AFG2A: variants seen among roughly 807,000 people sequenced by gnomAD.
AFG2A encodes AAA ATPase AFG2A, also known as ATPase family gene 2 protein homolog A.
the AFG2A span, among the ~76,000 whole-genome samples, chr4:123,018,415 G>T: frequency 6.6e-6 from 1 of 152,136 alleles, no homozygotes; most frequent in African/African-American, 2.4e-5. Context: ...TAAAAAGAAG[G>T]TTCTAGAATT....
the AFG2A span, among the ~76,000 whole-genome samples, chr4:123,184,403 CTT>C: frequency 6.6e-6 from 1 of 152,008 alleles, no homozygotes; most frequent in Non-Finnish European, 1.5e-5. Context: ...ACTCCTCATA[CTT>C]TTCTAAAGTG....
the AFG2A span, among the ~76,000 whole-genome samples, chr4:123,133,547 A>AT: frequency 1.3e-5 from 2 of 149,332 alleles, no homozygotes; most frequent in African/African-American, 5.1e-5. Flanking sequence ...ATTTATATAT[A>AT]TTTTTTGTTT....
At chr4:123,262,012 G>T in the AFG2A span, among the ~76,000 whole-genome samples, 1 of 152,090 alleles carries the variant, frequency 6.6e-6, no homozygotes, top group Admixed American at 6.6e-5. Flanking sequence ...CTGGCCTCAA[G>T]CAATCCTCCT....
the AFG2A span, among the ~76,000 whole-genome samples, chr4:123,046,264 G>A: frequency 1.3e-5 from 2 of 152,096 alleles, no homozygotes; most frequent in Non-Finnish European, 2.9e-5. Flanking sequence ...TTGGCTAGCA[G>A]GCCCTCTTTT....
At chr4:123,148,759 C>T in the AFG2A span, among the ~76,000 whole-genome samples, 3 of 150,690 alleles carry the variant, frequency 2.0e-5, no homozygotes, top group Admixed American at 2.0e-4. Flanking sequence ...ACAGAACACA[C>T]ACACACTCTA....
the AFG2A span, among the ~76,000 whole-genome samples, chr4:123,296,688 T>A: frequency 6.6e-6 from 1 of 152,244 alleles, no homozygotes; most frequent in Non-Finnish European, 1.5e-5. Flanking sequence ...TAAAGCTGGG[T>A]AGCAGGCGAG....
chr4:122,936,818 A>G, the AFG2A span, among the ~76,000 whole-genome samples: 1 of 152,126 alleles, frequency 6.6e-6, no homozygotes, highest in African/African-American at 2.4e-5. Flanking sequence ...CGTCTCTACT[A>G]AAAATACAAA....
At chr4:123,234,796 G>T in the AFG2A span, among the ~76,000 whole-genome samples, 2 of 152,010 alleles carry the variant, frequency 1.3e-5, no homozygotes, top group Non-Finnish European at 2.9e-5. Flanking sequence ...TCTCTAGAGC[G>T]AGACTGCCAA....
At chr4:123,313,497 C>G in the AFG2A span, among the ~76,000 whole-genome samples, 1 of 152,322 alleles carries the variant, frequency 6.6e-6, no homozygotes, top group South Asian at 2.1e-4. Context: ...TCTGCCCTCC[C>G]TTGACCGTTG....
chr4:123,316,699 G>C, the AFG2A span: 1 of 152,200 alleles, frequency 6.6e-6, no homozygotes, highest in Non-Finnish European at 1.5e-5. Flanking sequence ...GTGGTGGGGA[G>C]GAGGGTAGCA....
the AFG2A span, among the ~76,000 whole-genome samples, chr4:123,211,608 T>C: frequency 1.3e-5 from 2 of 152,190 alleles, no homozygotes; most frequent in African/African-American, 4.8e-5. Flanking sequence ...TTAAAACTTT[T>C]AGTTACATTG....
chr4:123,097,224 C>T, the AFG2A span, among the ~76,000 whole-genome samples: 7 of 151,998 alleles, frequency 4.6e-5, no homozygotes, highest in South Asian at 4.1e-4. Context: ...GCTAAATATA[C>T]GTATCTTTCG....
At chr4:123,028,595 T>C in the AFG2A span, among the ~76,000 whole-genome samples, 1 of 152,180 alleles carries the variant, frequency 6.6e-6, no homozygotes, top group African/African-American at 2.4e-5. Context: ...CAAATCATGG[T>C]AGACATTGGG....
chr4:123,185,483 A>G, the AFG2A span, among the ~76,000 whole-genome samples: 8,891 of 152,142 alleles, frequency 0.058, 857 homozygotes, highest in African/African-American at 0.2. Flanking sequence ...ACCACCTTAC[A>G]CTAAATAGGT....
At chr4:123,296,752 C>T in the AFG2A span, among the ~76,000 whole-genome samples, 20 of 152,094 alleles carry the variant, frequency 1.3e-4, no homozygotes, top group Non-Finnish European at 1.9e-4. Flanking sequence ...AATTTTCTAT[C>T]GTTAAAAAAT....
chr4:123,064,473 C>T, the AFG2A span, among the ~76,000 whole-genome samples: 1 of 152,202 alleles, frequency 6.6e-6, no homozygotes, highest in South Asian at 2.1e-4. Flanking sequence ...ATACAATTGG[C>T]AGTTGACTCT....
chr4:123,058,198 A>C, the AFG2A span, among the ~76,000 whole-genome samples: 1 of 152,192 alleles, frequency 6.6e-6, no homozygotes, highest in Non-Finnish European at 1.5e-5. Context: ...TATAAAGAAA[A>C]AGAGGTTTAA....
the AFG2A span, among the ~76,000 whole-genome samples, chr4:123,003,259 T>C: frequency 3.9e-5 from 6 of 152,246 alleles, no homozygotes; most frequent in Admixed American, 6.5e-5. Context: ...AATTTCCTCC[T>C]GTAGCTCGGA....
chr4:122,959,455 C>A, the AFG2A span, among the ~76,000 whole-genome samples: 1 of 152,168 alleles, frequency 6.6e-6, no homozygotes, highest in African/African-American at 2.4e-5. Flanking sequence ...AGAGTACAGA[C>A]ATGTGTATTT....
Sources: allele counts gnomAD v4.1 joint callset (sites outside exome capture counted in the v4.1 genomes callset), GRCh38; gene constraint gnomAD v4.1.1; transcripts MANE v1.5; gene names NCBI Gene and HGNC (gene_info 2026-07-23, HGNC 2026-07-21).